Variants in ELAVL2 observed in about 807,000 individuals in gnomAD.
The protein encoded by ELAVL2 is ELAV-like protein 2.
Under a neutral mutation model 34.6 loss-of-function variants are expected in ELAVL2, and 4 were observed. The ratio of observed to expected loss-of-function variants is 0.12; its 90% CI spans 0.06 to 0.26. The LOEUF (loss-of-function observed/expected upper bound fraction) is 0.26. ELAVL2 is among the 10% of genes least tolerant of loss of function. The probability of loss-of-function intolerance (pLI) is 1.00; values close to 1 mark genes in which losing one functional copy is unlikely to be tolerated. For missense variants in ELAVL2, 432 were observed against 442.8 expected, an observed-to-expected ratio of 0.98 and a Z score of 0.22; for synonymous variants, 193 against 154.8, an observed-to-expected ratio of 1.25 and a Z score of -1.83.
intron 1 of ELAVL2, among the ~76,000 whole-genome samples, chr9:23,777,760 T>G (rs549387419): frequency 1.4e-4 from 22 of 152,212 alleles, no homozygotes; most frequent in Admixed American, 4.6e-4. Flanking sequence ...TCTGCATCGC[T>G]GGCTACCAAG....
At chr9:23,809,973 C>T (rs1161203030) in intron 1 of ELAVL2, among the ~76,000 whole-genome samples, 1 of 152,078 alleles carries the variant, frequency 6.6e-6, no homozygotes. Flanking sequence ...ACTTGACCTG[C>T]CATTTTTTTC....
At chr9:23,770,928 G>A (rs1380795310) in intron 1 of ELAVL2, among the ~76,000 whole-genome samples, 1 of 152,216 alleles carries the variant, frequency 6.6e-6, no homozygotes, top group African/African-American at 2.4e-5. Context: ...AGAATGACAA[G>A]GAGATAACAG....
At chr9:23,776,813 T>C (rs79362759) in intron 1 of ELAVL2, among the ~76,000 whole-genome samples, 58 of 151,952 alleles carry the variant, frequency 3.8e-4, no homozygotes, top group Admixed American at 3.7e-3. Flanking sequence ...ACTTCAATAT[T>C]TGAGTGTGGA....
chr9:23,824,624 C>G (rs1017229459), intron 1 of ELAVL2, among the ~76,000 whole-genome samples: 42 of 152,168 alleles, frequency 2.8e-4, no homozygotes, highest in African/African-American at 9.4e-4. Context: ...GCAGCTTGTT[C>G]CACCACCACC....
chr9:23,794,852 CTT>C (rs915756451), intron 1 of ELAVL2, among the ~76,000 whole-genome samples: 7 of 152,212 alleles, frequency 4.6e-5, no homozygotes, highest in South Asian at 2.1e-4. Flanking sequence ...TCCATCTTCT[CTT>C]GTTTTAATAA....
At chr9:23,693,221 G>T (rs776112526) in intron 6 of ELAVL2, among the ~76,000 whole-genome samples, 1 of 152,160 alleles carries the variant, frequency 6.6e-6, no homozygotes, top group Non-Finnish European at 1.5e-5. Context: ...CTGTAACGTC[G>T]TAACGCAATA....
chr9:23,773,096 C>T (rs946230741), intron 1 of ELAVL2, among the ~76,000 whole-genome samples: 4 of 152,066 alleles, frequency 2.6e-5, no homozygotes, highest in African/African-American at 7.2e-5. Flanking sequence ...AATTTACATT[C>T]AATGCAAGTG....
intron 2 of ELAVL2, among the ~76,000 whole-genome samples, chr9:23,746,002 G>A (rs960951727): frequency 6.6e-6 from 1 of 152,128 alleles, no homozygotes; most frequent in African/African-American, 2.4e-5. Flanking sequence ...ATAATCAAAA[G>A]GGGGAGGAAG....
At chr9:23,711,593 G>C (rs2040973065) in intron 3 of ELAVL2, among the ~76,000 whole-genome samples, 1 of 152,136 alleles carries the variant, frequency 6.6e-6, no homozygotes. Flanking sequence ...AGTCATTTCA[G>C]ACACCTCATG....
rs140478903 is a variant in ELAVL2 at position 23,723,882 on chromosome 9, G to GCA, written c.333+7138_333+7139dup. Among the ~76,000 whole-genome samples the GCA allele has an allele frequency of 4.6e-4, 70 of 151,904 alleles. No individual in the cohort carries two copies. The East Asian group carries it at 5.0e-3, about 11-fold the overall frequency. On this transcript the variant is annotated intron_variant, in intron 3 of 6. Transcript: ENST00000397312. Reference sequence around the variant, plus strand: ...ACATGCCCCTTTCAATTCCACACGTGCACACACACACAGACAGCAACAATT... The same window carrying GCA: ...ACATGCCCCTTTCAATTCCACACGTGCACACACACACACAGACAGCAACAATT...
chr9:23,700,901 T>G (rs747370139), intron 5 of ELAVL2, among the ~76,000 whole-genome samples: 1 of 151,356 alleles, frequency 6.6e-6, no homozygotes, highest in East Asian at 1.9e-4. Flanking sequence ...AAAGGAAATC[T>G]GAAGCCCTGG....
intron 2 of ELAVL2, among the ~76,000 whole-genome samples, chr9:23,734,840 C>G (rs899047714): frequency 1.3e-5 from 2 of 151,686 alleles, no homozygotes; most frequent in Middle Eastern, 3.2e-3. Flanking sequence ...AATACCTTAC[C>G]TACCCTTTTC....
chr9:23,698,448 A>C (rs1474717895), intron 5 of ELAVL2, among the ~76,000 whole-genome samples: 1 of 152,164 alleles, frequency 6.6e-6, no homozygotes, highest in Non-Finnish European at 1.5e-5. Context: ...AAGCTTTTTG[A>C]CCATAAAAGA....
chr9:23,764,981 T>C, intron 1 of ELAVL2: 1 of 1,605,686 alleles, frequency 6.2e-7, no homozygotes, highest in Non-Finnish European at 8.5e-7. Flanking sequence ...AAAAGTAGCC[T>C]ACAGAATTTA....
intron 1 of ELAVL2, among the ~76,000 whole-genome samples, chr9:23,797,863 G>C (rs895925437): frequency 2.6e-5 from 4 of 152,174 alleles, no homozygotes; most frequent in Non-Finnish European, 5.9e-5. Flanking sequence ...GGGAAGCGGA[G>C]GTTGCGGTAA....
chr9:23,781,500 GTTTCT>G (rs1438853021), intron 1 of ELAVL2, among the ~76,000 whole-genome samples: 1 of 148,352 alleles, frequency 6.7e-6, no homozygotes, highest in Non-Finnish European at 1.5e-5. Context: ...TTTAAGAAAA[GTTTCT>G]TTTTTTTCTT....
chr9:23,744,504 A>AT (rs2050035289), intron 2 of ELAVL2, among the ~76,000 whole-genome samples: 1 of 152,182 alleles, frequency 6.6e-6, no homozygotes, highest in African/African-American at 2.4e-5. Context: ...AAAACTTTAA[A>AT]TATGTATGCT....
intron 2 of ELAVL2, among the ~76,000 whole-genome samples, chr9:23,750,147 C>T (rs2135532634): frequency 6.6e-6 from 1 of 151,958 alleles, no homozygotes; most frequent in African/African-American, 2.4e-5. Flanking sequence ...TTTCTATAAG[C>T]ATTCAGAGAA....
chr9:23,745,572 G>T (rs1227667309), intron 2 of ELAVL2, among the ~76,000 whole-genome samples: 1 of 151,988 alleles, frequency 6.6e-6, no homozygotes, highest in Non-Finnish European at 1.5e-5. Flanking sequence ...TGTAATAAAG[G>T]TAAAACTAGA....
Sources: allele counts gnomAD v4.1 joint callset (sites outside exome capture counted in the v4.1 genomes callset), GRCh38; gene constraint gnomAD v4.1.1; transcripts MANE v1.5; gene names NCBI Gene and HGNC (gene_info 2026-07-23, HGNC 2026-07-21).